ARHGEF33: variants seen among roughly 807,000 people sequenced by gnomAD.
ARHGEF33 encodes the protein Rho guanine nucleotide exchange factor 33.
Under a neutral mutation model 101.9 loss-of-function variants are expected in ARHGEF33, and 72 were observed. That is an observed-to-expected ratio of 0.71 (90% CI 0.58 to 0.86). The LOEUF (loss-of-function observed/expected upper bound fraction) is 0.86. ARHGEF33 is among the 40% of genes least tolerant of loss of function. The pLI is 0.00. For synonymous variants in ARHGEF33, 499 were observed against 442.5 expected (o/e 1.13, Z -1.60); for missense variants, 1,169 against 1,111.3 (o/e 1.05, Z -0.74).
Position 38,953,170 on chromosome 2 carries a change from C to G in ARHGEF33, c.1062C>G (p.Phe354Leu). 6.7e-7 allele frequency: 1 copy of G among 1,493,474 alleles called. No individual in the cohort carries two copies. Among genetic ancestry groups the G allele is most frequent in the Non-Finnish European group, 9.1e-7 (1 of 1,093,672 alleles). The allele number at this position is 1,493,474 out of a possible 1,614,324, so 92.5% of individuals were successfully genotyped here. Residue 354 changes from phenylalanine (F) to leucine (L), a missense_variant, in exon 12 of 18, where the codon TTC becomes TTG. Phe to Leu is a conservative substitution (Grantham distance 22). Transcript: ENST00000409978. Reference protein sequence around the residue: ...FLKLTNDENNFLDYYVAYLRD... With the variant: ...FLKLTNDENNLLDYYVAYLRD... Reference sequence around the variant, plus strand: ...TTGTGTTTGTTTTAAAGAATAATTTCTTGGATTATTATGTTGCCTACCTAA... The same window carrying G: ...TTGTGTTTGTTTTAAAGAATAATTTGTTGGATTATTATGTTGCCTACCTAA...
At chr2:38,971,181 C>T (rs1352608270) in intron 17 of ARHGEF33, among the ~76,000 whole-genome samples, 1 of 152,186 alleles carries the variant, frequency 6.6e-6, no homozygotes, top group East Asian at 1.9e-4. Flanking sequence ...TTCAACTACC[C>T]CCATCCCCAG....
intron 2 of ARHGEF33, among the ~76,000 whole-genome samples, chr2:38,906,125 C>A (rs1480324093): frequency 1.3e-5 from 2 of 150,054 alleles, no homozygotes; most frequent in African/African-American, 4.9e-5. Flanking sequence ...CAAGATTGTG[C>A]CAAGATTGAG....
At chr2:38,897,041 G>A (rs149405631) in intron 2 of ARHGEF33, among the ~76,000 whole-genome samples, 2 of 152,208 alleles carry the variant, frequency 1.3e-5, no homozygotes, top group East Asian at 3.9e-4. Context: ...TCAGCGTCCC[G>A]AGTAGCTGGG....
intron 9 of ARHGEF33, among the ~76,000 whole-genome samples, chr2:38,940,069 C>A (rs749732482): frequency 3.3e-5 from 5 of 152,114 alleles, no homozygotes; most frequent in Non-Finnish European, 7.3e-5. Context: ...TTCTGTTTCC[C>A]ATTGTTGTAT....
Position 38,960,415 on chromosome 2 carries a change from C to G in ARHGEF33, c.2110C>G (p.Pro704Ala). 2 of 1,514,308 alleles carry G rather than the reference C, an allele frequency of 1.3e-6. No homozygotes were observed. The highest frequency in any genetic ancestry group is 1.8e-6 in the Non-Finnish European group (2 of 1,137,552). The allele number at this position is 1,514,308 out of a possible 1,614,324, so 93.8% of individuals were successfully genotyped here. ...GGCGCAGGCGCACGGCAAGGCCAAG[C>G]CGCTGAGCCGCTCTCTCAAAGAGTT... Reference protein sequence around the residue: ...AAAQAHGKAKPLSRSLKEFPR... With the variant: ...AAAQAHGKAKALSRSLKEFPR... The change falls in exon 16 of 18, where the codon CCG (proline) becomes GCG (alanine). Residue 704 changes from proline (P) to alanine (A), a missense_variant. Pro to Ala is a conservative substitution (Grantham distance 27). Transcript: ENST00000409978.
At chr2:38,907,756 GACTT>G (rs1482572002) in intron 2 of ARHGEF33, among the ~76,000 whole-genome samples, 1 of 152,034 alleles carries the variant, frequency 6.6e-6, no homozygotes, top group South Asian at 2.1e-4. Flanking sequence ...TATCAATTGG[GACTT>G]ACTTAGTGAA....
At chr2:38,905,307 T>C (rs1470551239) in intron 2 of ARHGEF33, among the ~76,000 whole-genome samples, 1 of 152,184 alleles carries the variant, frequency 6.6e-6, no homozygotes, top group Non-Finnish European at 1.5e-5. Flanking sequence ...AATTTCAGTT[T>C]AGGGTAAGGT....
At chr2:38,966,279 C>T in intron 17 of ARHGEF33, 134 bp downstream of exon 17, 2 of 1,188,212 alleles carry the variant, frequency 1.7e-6, no homozygotes, top group Middle Eastern at 2.1e-4. Flanking sequence ...CACCCAGTAG[C>T]CACAGTTCCG....
intron 2 of ARHGEF33, among the ~76,000 whole-genome samples, chr2:38,902,135 A>G (rs1482670300): frequency 1.4e-5 from 2 of 138,564 alleles, no homozygotes; most frequent in African/African-American, 2.7e-5. Flanking sequence ...CCATCTCAAG[A>G]AAAAAAAAAA....
At chr2:38,959,798 G>T (rs374161605) in intron 15 of ARHGEF33, 43 bp from the exon 16 acceptor site, 7 of 1,485,252 alleles carry the variant, frequency 4.7e-6, no homozygotes, top group Non-Finnish European at 6.3e-6. Flanking sequence ...TGCACTAACC[G>T]GCCGTAAGCA....
intron 9 of ARHGEF33, among the ~76,000 whole-genome samples, chr2:38,941,670 C>T (rs752758403): frequency 6.6e-6 from 1 of 152,008 alleles, no homozygotes; most frequent in Non-Finnish European, 1.5e-5. Flanking sequence ...GCCTCAGCCT[C>T]CCGAGTAGCT....
intron 1 of ARHGEF33, among the ~76,000 whole-genome samples, chr2:38,895,265 T>A (rs1366755481): frequency 1.3e-5 from 2 of 152,254 alleles, no homozygotes; most frequent in East Asian, 3.8e-4. Context: ...ACAGAATGTT[T>A]TCTAAATAGA....
chr2:38,945,131 A>G (rs1336398391), intron 10 of ARHGEF33, among the ~76,000 whole-genome samples: 1 of 152,208 alleles, frequency 6.6e-6, no homozygotes, highest in African/African-American at 2.4e-5. Context: ...TGGATTATGG[A>G]CTACTGTGGA....
intron 10 of ARHGEF33, among the ~76,000 whole-genome samples, chr2:38,944,951 C>T (rs955132692): frequency 6.6e-6 from 1 of 151,674 alleles, no homozygotes; most frequent in African/African-American, 2.4e-5. Context: ...TTCCCAATGC[C>T]GCAACACTCC....
chr2:38,892,691 T>C (rs1666031207), intron 1 of ARHGEF33, among the ~76,000 whole-genome samples: 1 of 152,182 alleles, frequency 6.6e-6, no homozygotes, highest in African/African-American at 2.4e-5. Context: ...GTTAGAGTAA[T>C]TTTAAAAATT....
intron 9 of ARHGEF33, among the ~76,000 whole-genome samples, chr2:38,938,760 C>T (rs764673304): frequency 3.9e-5 from 6 of 152,102 alleles, no homozygotes; most frequent in African/African-American, 1.4e-4. Flanking sequence ...ACCCAAAGAA[C>T]CACTATTATG....
intron 9 of ARHGEF33, among the ~76,000 whole-genome samples, chr2:38,937,879 C>G (rs1451776933): frequency 3.9e-5 from 6 of 152,090 alleles, no homozygotes; most frequent in Admixed American, 6.6e-5. Flanking sequence ...TAGAAACAAG[C>G]CTTTCATCAA....
intron 2 of ARHGEF33, among the ~76,000 whole-genome samples, chr2:38,904,471 T>G (rs150926197): frequency 6.6e-6 from 1 of 152,008 alleles, no homozygotes; most frequent in Non-Finnish European, 1.5e-5. Context: ...TTTGGGTGGC[T>G]GAGGCAGGCA....
intron 4 of ARHGEF33, among the ~76,000 whole-genome samples, chr2:38,927,417 C>T (rs1342066452): frequency 2.6e-5 from 4 of 152,140 alleles, no homozygotes; most frequent in Non-Finnish European, 2.9e-5. Context: ...TACTTGAGGC[C>T]GGGCACAGTG....
Sources: gnomAD v4.1 joint callset for allele counts (sites outside exome capture counted in the v4.1 genomes callset) on GRCh38, gnomAD v4.1.1 for gene constraint, MANE v1.5 for transcripts, NCBI Gene and HGNC (gene_info 2026-07-23, HGNC 2026-07-21) for gene names.